Variants in CBFA2T3 observed in about 807,000 individuals in gnomAD.
CBFA2T3 encodes the protein CBFA2/RUNX1 partner transcriptional co-repressor 3, also known as transcriptional corepressor CBFA2T3.
CBFA2T3 carries 31 observed loss-of-function variants against 58.6 expected under a neutral mutation model. That is an observed-to-expected ratio of 0.53 (90% CI 0.40 to 0.71). The LOEUF is 0.71. Ranked by LOEUF, CBFA2T3 falls within the 30% of genes least tolerant of loss-of-function variation. The pLI, the probability that CBFA2T3 is intolerant of heterozygous loss-of-function variation, is 0.00. For synonymous variants in CBFA2T3, 531 were observed against 421.9 expected, an observed-to-expected ratio of 1.26 and a Z score of -3.17; for missense variants, 1,076 against 963.1, an observed-to-expected ratio of 1.12 and a Z score of -1.55.
intron 1 of CBFA2T3, among the ~76,000 whole-genome samples, chr16:88,929,594 C>T (rs1360800100): frequency 2.0e-5 from 3 of 152,126 alleles, no homozygotes; most frequent in Admixed American, 6.5e-5. Flanking sequence ...GCATCACCCA[C>T]GCAAAAGTCA....
At chr16:88,887,187 A>T (rs1969413875) in intron 5 of CBFA2T3, 1 of 152,234 alleles carries the variant, frequency 6.6e-6, no homozygotes, top group Non-Finnish European at 1.5e-5. Flanking sequence ...GCGCCTCCCC[A>T]TTCCCCACGA....
At chr16:88,923,474 C>T (rs1970986799) in intron 1 of CBFA2T3, among the ~76,000 whole-genome samples, 1 of 152,236 alleles carries the variant, frequency 6.6e-6, no homozygotes, top group Non-Finnish European at 1.5e-5. Flanking sequence ...CCCGCCACAT[C>T]CACTGCCACC....
intron 1 of CBFA2T3, among the ~76,000 whole-genome samples, chr16:88,923,464 C>G (rs575295449): frequency 6.6e-6 from 1 of 152,342 alleles, no homozygotes; most frequent in East Asian, 1.9e-4. Flanking sequence ...ACCCATGTTA[C>G]CCGCCACATC....
At chr16:88,968,318 T>C (rs1360650148) in intron 1 of CBFA2T3, among the ~76,000 whole-genome samples, 3 of 152,218 alleles carry the variant, frequency 2.0e-5, no homozygotes, top group Admixed American at 2.0e-4. Flanking sequence ...AGGAAGCGGC[T>C]GCCTGCTGTC....
Position 88,881,378 on chromosome 16 carries a change from T to C in CBFA2T3, c.1315A>G (p.Ser439Gly), listed in dbSNP as rs762856664. 4.4e-6 allele frequency: 7 copies of C among 1,594,866 alleles called. No homozygotes were observed. The highest frequency in any genetic ancestry group is 3.4e-6 in the Non-Finnish European group (4 of 1,172,628). ...CCCTTCTTTGTGTCCTCGGCGTCGC[T>C]GTAGCGCCGCGCCCAGTGGTTGAGC... The part of the protein sequence containing the change: ...EELNHWARRY[S>G]DAEDTKKGPA... The change falls in exon 9 of 12, where the codon AGC (serine) becomes GGC (glycine). Residue 439 changes from serine (S) to glycine (G), a missense_variant. Transcript: ENST00000268679.
At chr16:88,908,364 AAAAG>A (rs1282929309) in intron 1 of CBFA2T3, among the ~76,000 whole-genome samples, 3 of 151,888 alleles carry the variant, frequency 2.0e-5, no homozygotes, top group Non-Finnish European at 4.4e-5. Flanking sequence ...AAGGAAAAGA[AAAAG>A]AAAATTCCCA....
intron 3 of CBFA2T3, among the ~76,000 whole-genome samples, chr16:88,896,466 C>T (rs1161470212): frequency 2.6e-5 from 4 of 152,152 alleles, no homozygotes; most frequent in South Asian, 2.1e-4. Flanking sequence ...GGACAGTGGA[C>T]GCTGACACAG....
chr16:88,942,262 T>C (rs1971769475), intron 1 of CBFA2T3, among the ~76,000 whole-genome samples: 1 of 152,118 alleles, frequency 6.6e-6, no homozygotes, highest in South Asian at 2.1e-4. Flanking sequence ...TTTAGTAAAA[T>C]TGGCGCCTTT....
intron 3 of CBFA2T3, among the ~76,000 whole-genome samples, chr16:88,892,845 C>T (rs933166718): frequency 5.3e-5 from 8 of 152,208 alleles, no homozygotes; most frequent in Non-Finnish European, 8.8e-5. Flanking sequence ...GGAATGACTG[C>T]GTTCTGAGTG....
At chr16:88,966,395 G>A (rs1238100213) in intron 1 of CBFA2T3, among the ~76,000 whole-genome samples, 6 of 151,814 alleles carry the variant, frequency 4.0e-5, no homozygotes, top group South Asian at 2.1e-4. Context: ...GGGGGATCGC[G>A]AGTCCACAGA....
intron 1 of CBFA2T3, among the ~76,000 whole-genome samples, chr16:88,947,003 A>G (rs1971920767): frequency 6.6e-6 from 1 of 152,226 alleles, no homozygotes. Context: ...ATTCTGTATG[A>G]CAGTCTAATG....
intron 1 of CBFA2T3, among the ~76,000 whole-genome samples, chr16:88,924,873 C>A (rs933560617): frequency 6.6e-6 from 1 of 152,228 alleles, no homozygotes; most frequent in Non-Finnish European, 1.5e-5. Flanking sequence ...CCGCTGCCAC[C>A]GCCTCCCACC....
At position 88,887,205 on chromosome 16, in the gene CBFA2T3, C is replaced by T. The variant is rs1206869777; in HGVS notation, c.712-1063G>A. ...CCTCCCCATTCCCCACGAGTGCATCCACCAGGCCCTCGAGCAGTGCCGGCT... is the reference window on the plus strand; with the variant it reads ...CCTCCCCATTCCCCACGAGTGCATCTACCAGGCCCTCGAGCAGTGCCGGCT... On this transcript the variant is annotated intron_variant, in intron 5 of 11. Transcript: ENST00000268679. 4 of 152,326 alleles carry T rather than the reference C, an allele frequency of 2.6e-5. No homozygotes were observed. The South Asian group carries it at 8.3e-4, about 31-fold the overall frequency. The allele number at this position is 152,326 out of a possible 1,614,324, so 9.4% of individuals were successfully genotyped here.
intron 1 of CBFA2T3, among the ~76,000 whole-genome samples, chr16:88,932,405 T>C (rs2911445): frequency 0.097 from 13,823 of 142,784 alleles, 1,444 homozygotes; most frequent in African/African-American, 0.27. Flanking sequence ...GAGGCTGAGG[T>C]GGGAGGATCG....
intron 2 of CBFA2T3, among the ~76,000 whole-genome samples, chr16:88,899,829 G>A (rs2142630685): frequency 6.6e-6 from 1 of 152,316 alleles, no homozygotes; most frequent in South Asian, 2.1e-4. Flanking sequence ...TCCGTCCTGA[G>A]CGTTTCCTCC....
chr16:88,881,641 A>G lies in CBFA2T3; in HGVS notation c.1204-152T>C, dbSNP rs1969087428. The stretch of plus-strand genomic sequence containing the variant: ...AGGGGGTGAGGGAGGGCCCACCTCC[A>G]TGGCTTGCAAAGATGGGTCCCTAGC... On this transcript the variant is annotated intron_variant, in intron 8 of 11. Coordinates refer to ENST00000268679, the MANE Select transcript of CBFA2T3 (RefSeq NM_005187.6). The G allele has an allele frequency of 5.5e-6, 4 of 725,380 alleles. No homozygotes were observed. In the South Asian group the frequency reaches 5.9e-5, roughly 11 times the overall value. The allele number at this position is 725,380 out of a possible 1,614,324, so 44.9% of individuals were successfully genotyped here. A position where few individuals can be genotyped will look rare whatever the true frequency, so the allele number is the denominator to read the frequency against.
intron 1 of CBFA2T3, among the ~76,000 whole-genome samples, chr16:88,954,217 C>T (rs532565905): frequency 6.6e-6 from 1 of 152,310 alleles, no homozygotes; most frequent in South Asian, 2.1e-4. Context: ...CTGACCACAA[C>T]AGGCACCCTG....
At chr16:88,899,522 G>A (rs76962022) in intron 2 of CBFA2T3, among the ~76,000 whole-genome samples, 5,872 of 152,216 alleles carry the variant, frequency 0.039, 192 homozygotes, top group African/African-American at 0.093. Flanking sequence ...TGGGAGTGGA[G>A]GGAGCAGGAA....
chr16:88,936,681 G>A (rs1264964731), intron 1 of CBFA2T3: 1 of 152,384 alleles, frequency 6.6e-6, no homozygotes, highest in African/African-American at 2.4e-5. Flanking sequence ...CTTGGCTCCG[G>A]GAGACATCTT....
Sources: allele counts gnomAD v4.1 joint callset (sites outside exome capture counted in the v4.1 genomes callset), GRCh38; gene constraint gnomAD v4.1.1; transcripts MANE v1.5; gene names NCBI Gene and HGNC (gene_info 2026-07-23, HGNC 2026-07-21).